Variants in ZBTB46 observed in about 807,000 individuals in gnomAD.
ZBTB46 encodes the protein zinc finger and BTB domain containing 46.
Under a neutral mutation model 44.1 loss-of-function variants are expected in ZBTB46, and 8 were observed. The ratio of observed to expected loss-of-function variants is 0.18; its 90% CI spans 0.11 to 0.33. The LOEUF is 0.33. ZBTB46 is among the 10% of genes least tolerant of loss of function. The probability of loss-of-function intolerance (pLI) is 1.00; values close to 1 mark genes in which losing one functional copy is unlikely to be tolerated. For synonymous variants in ZBTB46, 409 were observed against 382.3 expected, an observed-to-expected ratio of 1.07 and a Z score of -0.81; for missense variants, 651 against 847.7, an observed-to-expected ratio of 0.77 and a Z score of 2.88.
chr20:63,813,371 C>A (rs797019046), intron 1 of ZBTB46, among the ~76,000 whole-genome samples: 1 of 151,812 alleles, frequency 6.6e-6, no homozygotes, highest in East Asian at 1.9e-4. Context: ...ATCACTTGAA[C>A]CCAGGAGGCA....
intron 2 of ZBTB46, among the ~76,000 whole-genome samples, chr20:63,776,285 G>A (rs2092425330): frequency 6.6e-6 from 1 of 152,268 alleles, no homozygotes; most frequent in Non-Finnish European, 1.5e-5. Flanking sequence ...CCAGGGCCGA[G>A]GGCCTGAGAG....
intron 1 of ZBTB46, among the ~76,000 whole-genome samples, chr20:63,820,525 TC>T (rs1600722923): frequency 6.6e-6 from 1 of 151,462 alleles, no homozygotes; most frequent in African/African-American, 2.4e-5. Flanking sequence ...AACCTCCACC[TC>T]CCCAGTTCAA....
intron 3 of ZBTB46, among the ~76,000 whole-genome samples, chr20:63,765,105 T>TTGTGTG (rs1320451168): frequency 2.0e-3 from 298 of 150,486 alleles, no homozygotes; most frequent in African/African-American, 7.1e-3. Context: ...GTATGTGTGG[T>TTGTGTG]TGTGTGTGTG....
rs201024684 is a variant in ZBTB46, at chr20:63,747,241, C to T, written c.1459G>A (p.Ala487Thr). Residue 487 changes from alanine to threonine, a missense_variant, in exon 5 of 5, where the codon GCC (alanine) becomes ACC (threonine). Around this residue, in one of 5 missense-constraint regions of ZBTB46, gnomAD observed 75 missense variants for 107.8 expected, o/e 0.70. Transcript: ENST00000245663. ...GAGCCATGCCTGATGCCCACGCTGGCGGCGGACATGAAGACGCGGCTGCAC... is the reference window on the plus strand; with the variant it reads ...GAGCCATGCCTGATGCCCACGCTGGTGGCGGACATGAAGACGCGGCTGCAC... ...KVCSRVFMSAASVGIRHGSRR... is the reference protein window; with the variant it reads ...KVCSRVFMSATSVGIRHGSRR... The T allele has an allele frequency of 8.2e-6, 13 of 1,580,130 alleles. No individual in the cohort carries two copies. The Admixed American group carries it at 1.3e-4, about 15-fold the overall frequency.
At chr20:63,781,812 G>A (rs375056392) in intron 2 of ZBTB46, among the ~76,000 whole-genome samples, 4 of 151,680 alleles carry the variant, frequency 2.6e-5, no homozygotes, top group East Asian at 1.9e-4. Context: ...GAGGCCGGGC[G>A]CGGTGGCTCA....
At chr20:63,758,877 G>A (rs1487263658) in intron 3 of ZBTB46, among the ~76,000 whole-genome samples, 7 of 150,614 alleles carry the variant, frequency 4.6e-5, no homozygotes, top group South Asian at 2.1e-4. Flanking sequence ...GACTACAGGC[G>A]CCCGCCACCA....
chr20:63,747,174 A>G lies in ZBTB46; in HGVS notation c.1526T>C (p.Met509Thr). 2 of 1,609,278 alleles carry G rather than the reference A, an allele frequency of 1.2e-6. No homozygotes were observed. The highest frequency in any genetic ancestry group is 1.7e-6 in the Non-Finnish European group (2 of 1,178,450). Residue 509 changes from methionine (M) to threonine (T), a missense_variant, in exon 5 of 5, where the codon ATG becomes ACG. Physicochemically the swap from Met to Thr is moderately conservative, Grantham distance 81 (BLOSUM62 -1). Coordinates refer to ENST00000245663, the MANE Select transcript of ZBTB46 (RefSeq NM_001369741.1). ...GVCTDCAGRGMAGPLDHGGGG... is the reference protein window; with the variant it reads ...GVCTDCAGRGTAGPLDHGGGG... ...GCCGCCATGGTCCAGGGGCCCGGCC[A>G]TGCCGCGGCCAGCACAGTCGGTGCA... is the stretch of plus-strand genomic sequence containing the variant.
intron 1 of ZBTB46, among the ~76,000 whole-genome samples, chr20:63,795,315 C>G (rs2092593489): frequency 6.6e-6 from 1 of 152,238 alleles, no homozygotes; most frequent in Non-Finnish European, 1.5e-5. Context: ...GTGCTGGGGG[C>G]ACAAACCCAC....
chr20:63,774,693 TTTTTG>T (rs1196977125), intron 3 of ZBTB46, among the ~76,000 whole-genome samples: 2 of 19,286 alleles, frequency 1.0e-4, no homozygotes, highest in Admixed American at 6.6e-4. Context: ...CGGTGGGTTT[TTTTTG>T]TTTTTTTTTT....
At chr20:63,798,685 A>AAAAAAAAAAAACAAAAAAC (rs1417351365) in intron 1 of ZBTB46, among the ~76,000 whole-genome samples, 3 of 127,888 alleles carry the variant, frequency 2.3e-5, no homozygotes, top group African/African-American at 9.6e-5. Flanking sequence ...AAAAAAAAAA[A>AAAAAAAAAAAACAAAAAAC]AAAAAAAATT....
At chr20:63,751,295 GC>G (rs1181481732) in intron 4 of ZBTB46, among the ~76,000 whole-genome samples, 1 of 152,166 alleles carries the variant, frequency 6.6e-6, no homozygotes, top group African/African-American at 2.4e-5. Flanking sequence ...TGGTCCAGGG[GC>G]CCCCTCCCAG....
chr20:63,746,850 T>A lies in ZBTB46; in HGVS notation c.*80A>T. 1 of 1,420,396 alleles carries A rather than the reference T, an allele frequency of 7.0e-7. No homozygotes were observed. Among genetic ancestry groups the A allele is most frequent in the Non-Finnish European group, 9.2e-7 (1 of 1,090,432 alleles). 88.0% of individuals were successfully genotyped at this position (1,420,396 alleles called of 1,614,324 possible). ...GCCGCGAGAGGGGTGAGCGTGGCCC[T>A]GGCCCCGCAGTGGAGACCCACCGGA... On this transcript the variant is annotated 3_prime_UTR_variant, in exon 5 of 5. Transcript: ENST00000245663.
In ZBTB46 at chr20:63,760,740, A is replaced by G. The variant is rs550390022; in HGVS notation, c.1223-7879T>C. On this transcript the variant is annotated intron_variant, in intron 3 of 4. Coordinates refer to ENST00000245663, the MANE Select transcript of ZBTB46 (RefSeq NM_001369741.1). ...TCAAAGTGCTGGGATTACAGGCGTG[A>G]GCCACCGCGCCAGGCCGAGTTATAT... Among the ~76,000 whole-genome samples the G allele has an allele frequency of 1.7e-4, 25 of 151,244 alleles. 1 individual carries two copies. The highest frequency in any genetic ancestry group is 6.0e-4 in the African/African-American group (25 of 41,402).
At chr20:63,795,979 C>T (rs1391872734) in intron 1 of ZBTB46, among the ~76,000 whole-genome samples, 2 of 152,330 alleles carry the variant, frequency 1.3e-5, no homozygotes, top group East Asian at 1.9e-4. Flanking sequence ...CTGTTGAGGA[C>T]GCACACTTCC....
chr20:63,807,983 C>A (rs4809355), intron 1 of ZBTB46: 11 of 113,312 alleles, frequency 9.7e-5, no homozygotes, highest in East Asian at 4.9e-4. Context: ...GCTGAACGGA[C>A]CTTCCCACAG....
chr20:63,771,098 TC>T (rs1601429044), intron 3 of ZBTB46, among the ~76,000 whole-genome samples: 1 of 125,338 alleles, frequency 8.0e-6, no homozygotes, highest in Admixed American at 7.9e-5. Flanking sequence ...TCCCAGGCCC[TC>T]TTCAGAGCTG....
At chr20:63,820,391 G>A (rs1003066994) in intron 1 of ZBTB46, among the ~76,000 whole-genome samples, 10 of 151,110 alleles carry the variant, frequency 6.6e-5, no homozygotes, top group Admixed American at 1.3e-4. Context: ...GAGACACCGC[G>A]CCTGGCCAAT....
chr20:63,779,949 G>A (rs754697858), intron 2 of ZBTB46, among the ~76,000 whole-genome samples: 11 of 152,240 alleles, frequency 7.2e-5, no homozygotes, highest in Admixed American at 1.3e-4. Context: ...AGGATAAGCT[G>A]AAAGAACTCT....
At position 63,747,233 on chromosome 20, in the gene ZBTB46, C is replaced by A; in HGVS notation, c.1467G>T (p.Val489=). 6.3e-7 allele frequency: 1 copy of A among 1,588,616 alleles called. No homozygotes were observed. Among genetic ancestry groups the A allele is most frequent in the East Asian group, 2.3e-5 (1 of 43,500 alleles). The change falls in exon 5 of 5, where the codon GTG becomes GTT. Residue 489 remains valine (V), a synonymous_variant. Coordinates refer to ENST00000245663, the MANE Select transcript of ZBTB46 (RefSeq NM_001369741.1). Reference sequence around the variant, plus strand: ...GGCGCCTGGAGCCATGCCTGATGCCCACGCTGGCGGCGGACATGAAGACGC... The same window carrying A: ...GGCGCCTGGAGCCATGCCTGATGCCAACGCTGGCGGCGGACATGAAGACGC... ...CSRVFMSAAS[V]GIRHGSRRHG... is the part of the protein sequence containing the mutation.
Sources: gnomAD v4.1 joint callset for allele counts (sites outside exome capture counted in the v4.1 genomes callset) on GRCh38, gnomAD v4.1.1 for gene constraint, gnomAD v4.1.1 regional missense constraint, MANE v1.5 for transcripts, NCBI Gene and HGNC (gene_info 2026-07-23, HGNC 2026-07-21) for gene names.